The following TXLNA variants were observed in gnomAD, a reference collection of about 807,000 sequenced individuals.
TXLNA encodes the protein alpha-taxilin.
TXLNA carries 9 observed loss-of-function variants against 61.4 expected under a neutral mutation model. The observed-to-expected ratio is 0.15, with a 90% confidence interval of 0.09 to 0.26. The LOEUF (loss-of-function observed/expected upper bound fraction) is 0.26. TXLNA is among the 10% of genes least tolerant of loss of function. TXLNA has a pLI of 1.00. For missense variants in TXLNA, 565 were observed against 688.8 expected, an observed-to-expected ratio of 0.82 and a Z score of 2.01; for synonymous variants, 257 against 267.7, an observed-to-expected ratio of 0.96 and a Z score of 0.39.
chr1:32,197,174 CAG>C lies in TXLNA; in HGVS notation c.*1982_*1983del, dbSNP rs1013028251. On this transcript the variant is annotated 3_prime_UTR_variant, in exon 11 of 11. Transcript: ENST00000373610. The surrounding 1 kb of genome is among the most constrained non-coding windows in gnomAD (Gnocchi z 4.6). ...GCTGGTACAAGAGCTGCCAACCTCA[CAG>C]AGTGTTTGCTAGGCGAGAGAGGTGC... is the stretch of plus-strand genomic sequence containing the variant. 8 of 151,960 alleles carry C rather than the reference CAG, an allele frequency of 5.3e-5. No individual in the cohort carries two copies. Among genetic ancestry groups the C allele is most frequent in the African/African-American group, 1.9e-4 (8 of 41,028 alleles). The allele number at this position is 151,960 out of a possible 1,614,324, so 9.4% of individuals were successfully genotyped here.
At chr1:32,190,315 T>TG in intron 6 of TXLNA, 66 bp downstream of exon 6, 1 of 1,457,574 alleles carries the variant, frequency 6.9e-7, no homozygotes, top group Non-Finnish European at 9.3e-7. Flanking sequence ...TGCTAGGCAC[T>TG]GGGACAGTAC....
At chr1:32,183,217 G>A (rs908812688) in intron 3 of TXLNA, among the ~76,000 whole-genome samples, 1 of 151,004 alleles carries the variant, frequency 6.6e-6, no homozygotes, top group African/African-American at 2.4e-5. Flanking sequence ...TCCGCCTCCC[G>A]GGTTCACACC....
rs750545335 is a variant in TXLNA at position 32,181,358 on chromosome 1, G to A, written c.286G>A (p.Gly96Ser). Residue 96 changes from glycine (G) to serine (S), a missense_variant, in exon 3 of 11, where the codon GGC becomes AGC. Gly to Ser is a moderately conservative substitution (Grantham distance 56). Transcript: ENST00000373610. ...YCVDNNQGGP[G>S]EDGAQGEPAE... ...TGTGGACAATAACCAGGGGGGCCCCGGCGAGGATGGGGCACAGGGTGAGCC... is the reference window on the plus strand; with the variant it reads ...TGTGGACAATAACCAGGGGGGCCCCAGCGAGGATGGGGCACAGGGTGAGCC... 4.3e-6 allele frequency: 7 copies of A among 1,614,210 alleles called. No individual in the cohort carries two copies. Among genetic ancestry groups the A allele is most frequent in the Middle Eastern group, 1.6e-4 (1 of 6,062 alleles).
intron 9 of TXLNA, 23 bp from the exon 10 acceptor site, chr1:32,194,042 C>A: frequency 6.2e-7 from 1 of 1,602,660 alleles, no homozygotes; most frequent in Non-Finnish European, 8.5e-7. Flanking sequence ...TGACCATTTC[C>A]TTCTGTCTGT....
rs986847606 is a variant in TXLNA, at chr1:32,181,520, G to A, written c.448G>A (p.Glu150Lys). 5 of 1,594,698 alleles carry A rather than the reference G, an allele frequency of 3.1e-6. No homozygotes were observed. The highest frequency in any genetic ancestry group is 4.3e-6 in the Non-Finnish European group (5 of 1,170,156). The change falls in exon 3 of 11, where the codon GAG (glutamate) becomes AAG (lysine). Residue 150 changes from glutamate (E) to lysine (K), a missense_variant. Glu to Lys is a moderately conservative substitution (Grantham distance 56). Coordinates refer to ENST00000373610, the MANE Select transcript of TXLNA (RefSeq NM_175852.4). ...PNTEEIRQSD[E>K]VGDRDHRRPQ... ...CACAGAAGAGATCCGGCAGAGTGAC[G>A]AGGTCGGAGACCGAGACCATCGAAG...
At position 32,195,123 on chromosome 1, in the gene TXLNA, C is replaced by G. The variant is rs149596749; in HGVS notation, c.1569C>G (p.Cys523Trp). 8.8e-5 allele frequency: 142 copies of G among 1,613,932 alleles called. No individual in the cohort carries two copies. Among genetic ancestry groups the G allele is most frequent in the Non-Finnish European group, 1.2e-4 (138 of 1,179,966 alleles). The change falls in exon 11 of 11, where the codon TGC (cysteine) becomes TGG (tryptophan). Residue 523 changes from cysteine (C) to tryptophan (W), a missense_variant. Cys to Trp is a radical substitution (Grantham distance 215). Transcript: ENST00000373610. The part of the protein sequence containing the change: ...PSSPRVTEAP[C>W]YPGAPSTEAS... ...CCCCCAGGGTCACAGAAGCGCCTTG[C>G]TACCCAGGAGCACCGAGCACAGAAG...
At position 32,184,554 on chromosome 1, in the gene TXLNA, T is replaced by C. The variant is rs1642740274; in HGVS notation, c.535T>C (p.Leu179=). The C allele has an allele frequency of 1.2e-6, 2 of 1,613,718 alleles. No individual in the cohort carries two copies. Among genetic ancestry groups the C allele is most frequent in the Admixed American group, 1.7e-5 (1 of 59,992 alleles). Residue 179 remains leucine (L), a synonymous_variant, in exon 4 of 11, where the codon TTG becomes CTG. Transcript: ENST00000373610. ...GKEITLLMQT[L]NTLSTPEEKL... ...GGAGATCACGTTGCTGATGCAGACA[T>C]TGAATACTCTGAGTACCCCAGAGGA...
chr1:32,194,964 G>C lies in TXLNA; in HGVS notation c.1410G>C (p.Leu470=). The C allele has an allele frequency of 1.2e-6, 2 of 1,614,202 alleles. No individual in the cohort carries two copies. Among genetic ancestry groups the C allele is most frequent in the Non-Finnish European group, 1.7e-6 (2 of 1,180,022 alleles). ...LQVKIQRLEK[L]CRALQTERND... ...TAAAAATCCAACGGCTGGAGAAGCT[G>C]TGCCGGGCACTGCAGACAGAGCGCA... Residue 470 remains leucine (L), a synonymous_variant, in exon 11 of 11, where the codon CTG becomes CTC. Transcript: ENST00000373610.
At chr1:32,189,346 T>C (rs1476966316) in intron 5 of TXLNA, among the ~76,000 whole-genome samples, 1 of 152,150 alleles carries the variant, frequency 6.6e-6, no homozygotes, top group Non-Finnish European at 1.5e-5. Flanking sequence ...CCATCAAAAG[T>C]GTTGAGTGCC....
In TXLNA at chr1:32,190,094, C is replaced by T. The variant is rs1408829264; in HGVS notation, c.808C>T (p.Arg270Cys). The T allele has an allele frequency of 1.9e-6, 3 of 1,589,520 alleles. No individual in the cohort carries two copies. The highest frequency in any genetic ancestry group is 2.6e-6 in the Non-Finnish European group (3 of 1,168,342). ...VQRAREEEEK[R>C]KEVTSHFQVT... ...GCGGGCCCGGGAGGAGGAGGAGAAG[C>T]GCAAGGAGGTGACCTCGCACTTCCA... is the stretch of plus-strand genomic sequence containing the variant. Residue 270 changes from arginine (R) to cysteine (C), a missense_variant, in exon 6 of 11, where the codon CGC (arginine) becomes TGC (cysteine). This residue lies in a region of TXLNA where 373 missense variants were observed against 504.0 expected (regional missense o/e 0.74). Transcript: ENST00000373610.
In TXLNA at chr1:32,195,249, G is replaced by T; in HGVS notation, c.*54G>T. The T allele has an allele frequency of 1.3e-6, 2 of 1,507,414 alleles. No individual in the cohort carries two copies. Among genetic ancestry groups the T allele is most frequent in the African/African-American group, 2.8e-5 (2 of 71,620 alleles). 93.4% of individuals were successfully genotyped at this position (1,507,414 alleles called of 1,614,324 possible). A position where few individuals can be genotyped will look rare whatever the true frequency, so the allele number is the denominator to read the frequency against. On this transcript the variant is annotated 3_prime_UTR_variant, in exon 11 of 11. Coordinates refer to ENST00000373610, the MANE Select transcript of TXLNA (RefSeq NM_175852.4). The stretch of plus-strand genomic sequence containing the variant: ...GGGAGCGGCAGCCCAGCCAGGCCTG[G>T]CCCATAAAAGGCTCCCATGCTGAGC...
chr1:32,188,236 G>A (rs1642828790), intron 5 of TXLNA, 112 bp downstream of exon 5: 3 of 1,157,096 alleles, frequency 2.6e-6, no homozygotes, highest in Non-Finnish European at 3.6e-6. Context: ...CAGGCGCAGT[G>A]GCACACATAA....
rs770335077 is a variant in TXLNA at position 32,197,775 on chromosome 1, G to C, written c.*2580G>C. On this transcript the variant is annotated 3_prime_UTR_variant, in exon 11 of 11. Transcript: ENST00000373610. This position sits in a 1 kb window ranked among gnomAD's most constrained non-coding sequence, Gnocchi z 4.6. Reference sequence around the variant, plus strand: ...TTTTCAGGGCCTTGTCCAGCTGAGAGCTTCATGTCCACCAGATTCTGAGAG... The same window carrying C: ...TTTTCAGGGCCTTGTCCAGCTGAGACCTTCATGTCCACCAGATTCTGAGAG... 1.3e-5 allele frequency: 2 copies of C among 152,192 alleles called. No homozygotes were observed. The highest frequency in any genetic ancestry group is 2.4e-5 in the African/African-American group (1 of 41,454). The allele number at this position is 152,192 out of a possible 1,614,324, so 9.4% of individuals were successfully genotyped here.
In TXLNA at chr1:32,195,792, A is replaced by C. The variant is rs767707465; in HGVS notation, c.*597A>C. 6.6e-6 allele frequency: 3 copies of C among 456,110 alleles called. No individual in the cohort carries two copies. The highest frequency in any genetic ancestry group is 4.6e-5 in the South Asian group (3 of 64,548). 28.3% of individuals were successfully genotyped at this position (456,110 alleles called of 1,614,324 possible). ...GACCTGGAGAATGTTTTTGCGTGGG[A>C]TGATGTGCTGGTCAGGAGCCCCTTG... On this transcript the variant is annotated 3_prime_UTR_variant, in exon 11 of 11. Transcript: ENST00000373610.
At chr1:32,191,800 T>C (rs1642912638) in intron 6 of TXLNA, among the ~76,000 whole-genome samples, 1 of 152,226 alleles carries the variant, frequency 6.6e-6, no homozygotes, top group Non-Finnish European at 1.5e-5. Context: ...TCACCTTCTC[T>C]CCATCCCTTC....
intron 5 of TXLNA, among the ~76,000 whole-genome samples, chr1:32,188,614 G>T (rs968055884): frequency 2.0e-5 from 3 of 151,792 alleles, no homozygotes; most frequent in Admixed American, 6.6e-5. Context: ...TTACAGCCTG[G>T]GCAACAGAGT....
In TXLNA at chr1:32,194,925, G is replaced by A. The variant is rs1157453723; in HGVS notation, c.1371G>A (p.Leu457=). Residue 457 remains leucine (L), a synonymous_variant, in exon 11 of 11, where the codon CTG becomes CTA. Coordinates refer to ENST00000373610, the MANE Select transcript of TXLNA (RefSeq NM_175852.4). ...AEEKTVRDKE[L]EGLQVKIQRL... is the part of the protein sequence containing the mutation. Reference sequence around the variant, plus strand: ...AGAAAACAGTCCGGGATAAAGAACTGGAGGGCCTGCAGGTAAAAATCCAAC... The same window carrying A: ...AGAAAACAGTCCGGGATAAAGAACTAGAGGGCCTGCAGGTAAAAATCCAAC... 6.2e-7 allele frequency: 1 copy of A among 1,613,248 alleles called. No individual in the cohort carries two copies. The highest frequency in any genetic ancestry group is 2.2e-5 in the East Asian group (1 of 44,882).
At position 32,184,621 on chromosome 1, in the gene TXLNA, G is replaced by A; in HGVS notation, c.597+5G>A. On this transcript the variant is annotated splice_donor_5th_base_variant and intron_variant, in intron 4 of 10. Coordinates refer to ENST00000373610, the MANE Select transcript of TXLNA (RefSeq NM_175852.4). ...TGCAAGAAGTATGCTGAACTGGTCA[G>A]TTCCCCCCTCCGCGGGCACCTTCCC... The A allele has an allele frequency of 6.3e-7, 1 of 1,591,708 alleles. No individual in the cohort carries two copies. The highest frequency in any genetic ancestry group is 8.6e-7 in the Non-Finnish European group (1 of 1,162,630).
intron 4 of TXLNA, among the ~76,000 whole-genome samples, chr1:32,185,524 C>T (rs556144854): frequency 4.1e-4 from 61 of 149,440 alleles, no homozygotes; most frequent in African/African-American, 1.5e-3. Context: ...TCCCGAGTAG[C>T]TGGGTCTACA....
Sources: gnomAD v4.1 joint callset for allele counts (sites outside exome capture counted in the v4.1 genomes callset) on GRCh38, gnomAD v4.1.1 for gene constraint, gnomAD v4.1.1 regional missense constraint, Gnocchi (gnomAD v3.1) non-coding constraint, MANE v1.5 for transcripts, NCBI Gene and HGNC (gene_info 2026-07-23, HGNC 2026-07-21) for gene names.